Variants in GOLGA3 observed in about 807,000 individuals in gnomAD.
The protein encoded by GOLGA3 is golgin subfamily A member 3.
A neutral mutation model predicts 169.4 loss-of-function variants in GOLGA3; 75 were observed. The observed-to-expected ratio is 0.44, with a 90% CI of 0.37 to 0.54. The LOEUF (loss-of-function observed/expected upper bound fraction) is 0.54. GOLGA3 is among the 20% of genes least tolerant of loss of function. The pLI, the probability that GOLGA3 is intolerant of heterozygous loss-of-function variation, is 0.00. For synonymous variants in GOLGA3, 824 were observed against 822.4 expected (o/e 1.00, Z -0.03); for missense variants, 1,899 against 1,930.0 (o/e 0.98, Z 0.30).
chr12:132,808,512 G>A lies in GOLGA3; in HGVS notation c.557C>T (p.Thr186Met), dbSNP rs199776424. ...GTTTAACATGAGCTCAGGATCAAGC[G>A]TGCTAAAAAGTCTCGTTTTGGTTGC... ...QPATKTRLFS[T>M]LDPELMLNPE... Residue 186 changes from threonine (T) to methionine (M), a missense_variant, in exon 5 of 24, where the codon ACG becomes ATG. By Grantham distance (81) the Thr-to-Met change is moderately conservative (BLOSUM62 -1). Transcript: ENST00000450791. The A allele has an allele frequency of 1.8e-5, 29 of 1,598,090 alleles. No homozygotes were observed. Among genetic ancestry groups the A allele is most frequent in the Non-Finnish European group, 2.3e-5 (27 of 1,171,718 alleles).
At chr12:132,798,706 G>T (rs1948991704) in intron 8 of GOLGA3, among the ~76,000 whole-genome samples, 1 of 152,236 alleles carries the variant, frequency 6.6e-6, no homozygotes, top group Non-Finnish European at 1.5e-5. Context: ...TCATCATGCT[G>T]TTTGTAGCTC....
At chr12:132,812,613 G>A (rs1949773070) in intron 4 of GOLGA3, among the ~76,000 whole-genome samples, 1 of 152,202 alleles carries the variant, frequency 6.6e-6, no homozygotes, top group Non-Finnish European at 1.5e-5. Context: ...GTGCTTCCGT[G>A]GAGAACTTGA....
At chr12:132,788,996 C>T (rs754173963) in intron 13 of GOLGA3, 31 bp downstream of exon 13, 21 of 1,529,552 alleles carry the variant, frequency 1.4e-5, no homozygotes, top group Non-Finnish European at 1.8e-5. Flanking sequence ...GAATCCTCCC[C>T]ATCAAATGAG....
chr12:132,802,362 G>A (rs1315497117), intron 7 of GOLGA3, among the ~76,000 whole-genome samples: 7 of 150,548 alleles, frequency 4.6e-5, no homozygotes, highest in East Asian at 2.0e-4. Context: ...AACAGTGGCC[G>A]GACACGGGGG....
intron 3 of GOLGA3, among the ~76,000 whole-genome samples, chr12:132,815,730 T>C (rs891348530): frequency 1.3e-5 from 2 of 152,086 alleles, no homozygotes; most frequent in Admixed American, 6.5e-5. Context: ...ACCCCGTTTC[T>C]ACACACACAA....
At chr12:132,812,742 C>T (rs146205233) in intron 4 of GOLGA3, among the ~76,000 whole-genome samples, 70 of 152,274 alleles carry the variant, frequency 4.6e-4, no homozygotes, top group Non-Finnish European at 8.1e-4. Flanking sequence ...CAAATAGCAC[C>T]GCATGTTACA....
At chr12:132,798,220 G>C in intron 9 of GOLGA3, 120 bp downstream of exon 9, 1 of 869,420 alleles carries the variant, frequency 1.2e-6, no homozygotes, top group Non-Finnish European at 1.6e-6. Context: ...GTCACTGCCC[G>C]CCATCCATGA....
intron 16 of GOLGA3, chr12:132,783,885 T>G (rs888769924): frequency 2.2e-5 from 31 of 1,424,818 alleles, no homozygotes; most frequent in Non-Finnish European, 2.6e-5. Context: ...AAGTTGGGTT[T>G]CTTATTTGCA....
chr12:132,823,561 G>A lies in GOLGA3; in HGVS notation c.-183-1250C>T, dbSNP rs555701080. Among the ~76,000 whole-genome samples, 9 of 152,308 alleles carry A rather than the reference G, an allele frequency of 5.9e-5. No individual in the cohort carries two copies. In the South Asian group the frequency reaches 1.0e-3, roughly 18 times the overall value. ...AGCACTTTGGGAGGCCAAGGCGGGC[G>A]GATCACCTGCGGTCAGGAGTTTGAG... is the stretch of plus-strand genomic sequence containing the variant. On this transcript the variant is annotated intron_variant, in intron 1 of 23. Coordinates refer to ENST00000450791, the MANE Select transcript of GOLGA3 (RefSeq NM_001389683.1).
intron 18 of GOLGA3, among the ~76,000 whole-genome samples, chr12:132,779,738 C>CGT (rs1467836894): frequency 6.7e-6 from 1 of 148,160 alleles, no homozygotes; most frequent in African/African-American, 2.5e-5. Flanking sequence ...CAGGCACACA[C>CGT]GTGCGCACAC....
In GOLGA3 at chr12:132,775,294, A is replaced by C. The variant is rs539745462; in HGVS notation, c.3990T>G (p.Ser1330=). 91 of 1,605,540 alleles carry C rather than the reference A, an allele frequency of 5.7e-5. 2 individuals are homozygous for C. In the East Asian group the frequency reaches 2.0e-3, roughly 35 times the overall value. Residue 1330 remains serine (S), a synonymous_variant, in exon 22 of 24, where the codon TCT becomes TCG. Transcript: ENST00000450791. The stretch of plus-strand genomic sequence containing the variant: ...GGTCTTCCTGGGCCATCTCCAACTC[A>C]GACTTGACGTTCTGTGGAAAATGAA... ...GLQQLLQNVK[S]ELEMAQEDLS...
chr12:132,814,767 C>T (rs942594777), intron 3 of GOLGA3, among the ~76,000 whole-genome samples: 6 of 152,330 alleles, frequency 3.9e-5, no homozygotes, highest in African/African-American at 1.2e-4. Context: ...GGTCATGCTC[C>T]GGGACAGGAG....
intron 3 of GOLGA3, among the ~76,000 whole-genome samples, chr12:132,815,888 G>C (rs1949934704): frequency 6.6e-6 from 1 of 152,052 alleles, no homozygotes; most frequent in South Asian, 2.1e-4. Context: ...GACAGAGCAA[G>C]ATCCTGACTC....
Position 132,772,089 on chromosome 12 carries a change from G to A in GOLGA3, c.*1016C>T, listed in dbSNP as rs1260113188. 6.6e-6 allele frequency: 1 copy of A among 152,252 alleles called. No individual in the cohort carries two copies. Among genetic ancestry groups the A allele is most frequent in the Non-Finnish European group, 1.5e-5 (1 of 68,036 alleles). 9.4% of individuals were successfully genotyped at this position (152,252 alleles called of 1,614,324 possible). A position where few individuals can be genotyped will look rare whatever the true frequency, so the allele number is the denominator to read the frequency against. On this transcript the variant is annotated 3_prime_UTR_variant, in exon 24 of 24. Transcript: ENST00000450791. ...CCAGAACAACAGAGGACCTTTCTGT[G>A]TAAGAATATTTGGCTTTAGAAGGTA...
At chr12:132,795,317 C>T (rs1376250015) in intron 11 of GOLGA3, among the ~76,000 whole-genome samples, 1 of 152,160 alleles carries the variant, frequency 6.6e-6, no homozygotes, top group Non-Finnish European at 1.5e-5. Context: ...CATGGCAAAA[C>T]TCCATCTCTA....
At chr12:132,826,361 G>C (rs776364795) in intron 1 of GOLGA3, among the ~76,000 whole-genome samples, 2 of 152,112 alleles carry the variant, frequency 1.3e-5, no homozygotes, top group Admixed American at 6.5e-5. Context: ...GCCATTACAG[G>C]TGGAACATGC....
At chr12:132,798,564 G>T in intron 8 of GOLGA3, 87 bp from the exon 9 acceptor site, 1 of 1,264,204 alleles carries the variant, frequency 7.9e-7, no homozygotes, top group Non-Finnish European at 1.1e-6. Flanking sequence ...CCCAGGGTGA[G>T]GGTCACTGGC....
intron 2 of GOLGA3, among the ~76,000 whole-genome samples, chr12:132,819,153 T>C (rs761184995): frequency 6.6e-6 from 1 of 151,980 alleles, no homozygotes; most frequent in Non-Finnish European, 1.5e-5. Flanking sequence ...CGGCAACACC[T>C]CCGTGTCTCA....
chr12:132,773,228 G>A lies in GOLGA3; in HGVS notation c.4374C>T (p.Ser1458=), dbSNP rs1383478330. The A allele has an allele frequency of 1.9e-6, 3 of 1,566,328 alleles. No homozygotes were observed. Among genetic ancestry groups the A allele is most frequent in the Non-Finnish European group, 1.7e-6 (2 of 1,152,504 alleles). ...TGGCTGGCTCCAGCGGCGTCCACGAGGACAGAGACTCGTGCACCGTCAGGG... is the reference window on the plus strand; with the variant it reads ...TGGCTGGCTCCAGCGGCGTCCACGAAGACAGAGACTCGTGCACCGTCAGGG... The part of the protein sequence containing the change: ...EHALTVHESL[S]SWTPLEPATA... Residue 1458 remains serine, a synonymous_variant, in exon 24 of 24, where the codon TCC becomes TCT. Transcript: ENST00000450791.
Sources: allele counts gnomAD v4.1 joint callset (sites outside exome capture counted in the v4.1 genomes callset), GRCh38; gene constraint gnomAD v4.1.1; transcripts MANE v1.5; gene names NCBI Gene and HGNC (gene_info 2026-07-23, HGNC 2026-07-21).